CASP9: variants seen among roughly 807,000 people sequenced by gnomAD.
The protein encoded by CASP9 is caspase 9.
In CASP9, 29 loss-of-function variants were observed where a neutral mutation model predicts 43.5. The ratio of observed to expected loss-of-function variants is 0.67; its 90% CI spans 0.50 to 0.91. CASP9 has a LOEUF of 0.91. Among genes scored for constraint, CASP9 ranks in the 40% least tolerant of loss-of-function variants. CASP9 has a pLI of 0.00. For synonymous variants in CASP9, 206 were observed against 211.9 expected (o/e 0.97, Z 0.24); for missense variants, 575 against 537.4 (o/e 1.07, Z -0.69).
chr1:15,524,293 G>A (rs1710352568), upstream of CASP9: 5 of 1,459,974 alleles, frequency 3.4e-6, no homozygotes, highest in Non-Finnish European at 3.6e-6. Context: ...CCGCCCCAGG[G>A]CCTGCCCCCG....
At chr1:15,503,234 T>A (rs886120187) in intron 6 of CASP9, among the ~76,000 whole-genome samples, 1 of 150,084 alleles carries the variant, frequency 6.7e-6, no homozygotes, top group Non-Finnish European at 1.5e-5. Context: ...AAAAAAAAAA[T>A]AGAAAAATTA....
chr1:15,507,963 C>T lies in CASP9; in HGVS notation c.419-56G>A. On this transcript the variant is annotated intron_variant, in intron 2 of 8. Transcript: ENST00000333868. ...ATGTTGGGTTACAGCAGAGGAGGGG[C>T]AAGGGGCTCTGTGAGGACAGCCCCC... 4 of 1,580,768 alleles carry T rather than the reference C, an allele frequency of 2.5e-6. No individual in the cohort carries two copies. In the Admixed American group the frequency reaches 6.7e-5, roughly 26 times the overall value.
chr1:15,521,437 C>T (rs1294186925), intron 1 of CASP9, among the ~76,000 whole-genome samples: 2 of 152,154 alleles, frequency 1.3e-5, no homozygotes, highest in African/African-American at 4.8e-5. Context: ...ACGCTCCTTG[C>T]CCACTTTCAT....
intron 5 of CASP9, among the ~76,000 whole-genome samples, chr1:15,505,516 CT>C (rs1281595805): frequency 8.5e-5 from 13 of 152,240 alleles, no homozygotes; most frequent in Admixed American, 8.5e-4. Context: ...ATCTGTCCAA[CT>C]CCTCAACTTA....
upstream of CASP9, chr1:15,524,502 AC>A: frequency 2.0e-6 from 1 of 509,668 alleles, no homozygotes; most frequent in Non-Finnish European, 2.5e-6. Context: ...CCGCCCCAGA[AC>A]CCGCCCCACG....
intron 6 of CASP9, among the ~76,000 whole-genome samples, chr1:15,504,349 T>C (rs1189355297): frequency 1.3e-5 from 2 of 152,244 alleles, no homozygotes; most frequent in Admixed American, 6.5e-5. Flanking sequence ...TTTTGCCAAG[T>C]CTTTGGAATT....
intron 7 of CASP9, 77 bp from the exon 8 acceptor site, chr1:15,494,078 C>A: frequency 6.6e-7 from 1 of 1,525,070 alleles, no homozygotes; most frequent in Non-Finnish European, 8.8e-7. Context: ...TGGCCATGCA[C>A]GCTGGCTCGG....
chr1:15,515,879 G>T (rs1216401044), intron 2 of CASP9, among the ~76,000 whole-genome samples: 1 of 152,032 alleles, frequency 6.6e-6, no homozygotes, highest in African/African-American at 2.4e-5. Flanking sequence ...AACACGGTAA[G>T]ACCCTATCTC....
intron 8 of CASP9, chr1:15,493,615 G>A: frequency 2.1e-6 from 3 of 1,437,980 alleles, no homozygotes; most frequent in Non-Finnish European, 2.7e-6. Context: ...TGGCACTGAG[G>A]ACCAGCTCCA....
At chr1:15,507,254 C>A in intron 3 of CASP9, 179 bp from the exon 4 acceptor site, 1 of 623,670 alleles carries the variant, frequency 1.6e-6, no homozygotes. Flanking sequence ...GAAGGTGACC[C>A]CCCCATCTTG....
chr1:15,498,892 G>A lies in CASP9; in HGVS notation c.869-3440C>T, dbSNP rs143210800. ...CTCCCAAGTAGCTGGGACTACAGGC[G>A]TGTGCCACCACACCTGGCTAATTAT... On this transcript the variant is annotated intron_variant, in intron 6 of 8. Transcript: ENST00000333868. 2.4e-3 allele frequency among the ~76,000 whole-genome samples: 368 copies of A among 152,068 alleles called. 1 individual carries two copies. Among genetic ancestry groups the A allele is most frequent in the African/African-American group, 8.4e-3 (350 of 41,472 alleles).
chr1:15,510,066 G>A (rs1709698285), intron 2 of CASP9, among the ~76,000 whole-genome samples: 2 of 152,094 alleles, frequency 1.3e-5, no homozygotes, highest in Non-Finnish European at 2.9e-5. Flanking sequence ...AAGTAGCTGG[G>A]AGTACAGGCA....
intron 1 of CASP9, among the ~76,000 whole-genome samples, chr1:15,523,790 G>A (rs1042894990): frequency 2.6e-5 from 4 of 152,310 alleles, no homozygotes; most frequent in African/African-American, 9.6e-5. Flanking sequence ...AGCTCTTTCA[G>A]TCTGATGTTC....
In CASP9 at chr1:15,492,107, A is replaced by C. The variant is rs769418962; in HGVS notation, c.*836T>G. On this transcript the variant is annotated 3_prime_UTR_variant, in exon 9 of 9. Coordinates refer to ENST00000333868, the MANE Select transcript of CASP9 (RefSeq NM_001229.5). ...GGTGCAATGGTGCACGCCTGTAGTA[A>C]GAGCTACTTGGGAGGGTCACTTGAG... 2 of 151,826 alleles carry C rather than the reference A, an allele frequency of 1.3e-5. No individual in the cohort carries two copies. The highest frequency in any genetic ancestry group is 2.0e-4 in the East Asian group (1 of 5,092). The allele number at this position is 151,826 out of a possible 1,614,324, so 9.4% of individuals were successfully genotyped here.
At chr1:15,497,579 G>GT (rs1557535822) in intron 6 of CASP9, among the ~76,000 whole-genome samples, 1 of 151,346 alleles carries the variant, frequency 6.6e-6, no homozygotes, top group East Asian at 2.0e-4. Flanking sequence ...GGAGTCAGAG[G>GT]TTGCAGTGAG....
intron 3 of CASP9, among the ~76,000 whole-genome samples, chr1:15,507,476 C>G (rs141848888): frequency 4.0e-4 from 61 of 152,310 alleles, no homozygotes; most frequent in African/African-American, 1.4e-3. Flanking sequence ...GTTGATGGTA[C>G]TTATCACTAT....
intron 6 of CASP9, among the ~76,000 whole-genome samples, chr1:15,498,731 T>C (rs1709206990): frequency 6.7e-6 from 1 of 150,188 alleles, no homozygotes; most frequent in Admixed American, 6.7e-5. Context: ...TCCATGGATC[T>C]TGAAAGTGAT....
chr1:15,524,899 G>T, upstream of CASP9: 1 of 272,814 alleles, frequency 3.7e-6, no homozygotes, highest in Non-Finnish European at 4.2e-6. Context: ...CCACCGCCCC[G>T]CCCCCAGGAT....
In CASP9 at chr1:15,494,601, C is replaced by T. The variant is rs1478248810; in HGVS notation, c.1049-600G>A. 9.4e-5 allele frequency among the ~76,000 whole-genome samples: 14 copies of T among 149,616 alleles called. No individual in the cohort carries two copies. The East Asian group carries it at 2.6e-3, about 27-fold the overall frequency. ...AAAAAAGGCTGGGCGCGGTGGCTCA[C>T]GCCTGTAATCCCAGCACTTTGGGAA... On this transcript the variant is annotated intron_variant, in intron 7 of 8. Transcript: ENST00000333868.
Sources: allele counts gnomAD v4.1 joint callset (sites outside exome capture counted in the v4.1 genomes callset), GRCh38; gene constraint gnomAD v4.1.1; transcripts MANE v1.5; gene names NCBI Gene and HGNC (gene_info 2026-07-23, HGNC 2026-07-21).